Variants in GALNT7 observed in about 807,000 individuals in gnomAD.
The protein encoded by GALNT7 is polypeptide N-acetylgalactosaminyltransferase 7, also known as N-acetylgalactosaminyltransferase 7.
A neutral mutation model predicts 82.1 loss-of-function variants in GALNT7; 60 were observed. That is an observed-to-expected ratio of 0.73 (90% CI 0.59 to 0.91). The LOEUF (loss-of-function observed/expected upper bound fraction) is 0.91. Among genes scored for constraint, GALNT7 ranks in the 40% least tolerant of loss-of-function variants. The pLI is 0.00. For synonymous variants in GALNT7, 243 were observed against 275.1 expected, an observed-to-expected ratio of 0.88 and a Z score of 1.15; for missense variants, 660 against 804.2, an observed-to-expected ratio of 0.82 and a Z score of 2.17.
chr4:173,275,466 A>G (rs1735869524), intron 2 of GALNT7, among the ~76,000 whole-genome samples: 1 of 152,206 alleles, frequency 6.6e-6, no homozygotes, highest in African/African-American at 2.4e-5. Flanking sequence ...AGAGTAGAGA[A>G]AATGGAAATA....
chr4:173,208,813 A>G (rs1435837338), intron 1 of GALNT7, among the ~76,000 whole-genome samples: 1 of 152,172 alleles, frequency 6.6e-6, no homozygotes, highest in Non-Finnish European at 1.5e-5. Context: ...GTATATATAG[A>G]AATTTTAAAA....
intron 1 of GALNT7, chr4:173,169,632 G>T (rs1001043365): frequency 2.0e-5 from 3 of 151,616 alleles, no homozygotes; most frequent in Admixed American, 6.6e-5. Context: ...CCGAGGCCTC[G>T]CCCGGACCGC....
chr4:173,254,389 A>G (rs1734951040), intron 2 of GALNT7, among the ~76,000 whole-genome samples: 1 of 152,190 alleles, frequency 6.6e-6, no homozygotes, highest in African/African-American at 2.4e-5. Context: ...TTTGATATCT[A>G]CCAAGCTATT....
At chr4:173,256,355 GA>G (rs1471396390) in intron 2 of GALNT7, among the ~76,000 whole-genome samples, 1 of 152,152 alleles carries the variant, frequency 6.6e-6, no homozygotes, top group Non-Finnish European at 1.5e-5. Context: ...CTACAAAAAG[GA>G]AAACACAAGC....
intron 2 of GALNT7, chr4:173,282,416 G>C (rs1223365493): frequency 6.6e-6 from 1 of 152,182 alleles, no homozygotes; most frequent in Non-Finnish European, 1.5e-5. Context: ...TTTTGTCCCA[G>C]ATTGTTTTGT....
At chr4:173,318,735 T>C (rs1198373761) in intron 11 of GALNT7, 176 bp downstream of exon 11, 1 of 494,636 alleles carries the variant, frequency 2.0e-6, no homozygotes, top group Non-Finnish European at 3.6e-6. Context: ...TGTTCTATAA[T>C]GAGGCATCAC....
intron 8 of GALNT7, among the ~76,000 whole-genome samples, chr4:173,306,622 G>T (rs1329890042): frequency 6.6e-6 from 1 of 152,082 alleles, no homozygotes; most frequent in Non-Finnish European, 1.5e-5. Context: ...TATGGTTTTT[G>T]TCCTTCATTC....
intron 1 of GALNT7, among the ~76,000 whole-genome samples, chr4:173,237,445 C>CT (rs1227819045): frequency 6.6e-6 from 1 of 152,132 alleles, no homozygotes; most frequent in Admixed American, 6.5e-5. Context: ...TAGGACATTG[C>CT]TTTTTTGCCT....
At chr4:173,316,417 T>C (rs1737605415) in intron 9 of GALNT7, 2 of 152,300 alleles carry the variant, frequency 1.3e-5, no homozygotes, top group Admixed American at 6.5e-5. Flanking sequence ...TCTTTTCCTT[T>C]TTTTCACCAC....
At chr4:173,264,727 A>AT (rs1192280660) in intron 2 of GALNT7, among the ~76,000 whole-genome samples, 1 of 152,172 alleles carries the variant, frequency 6.6e-6, no homozygotes, top group Non-Finnish European at 1.5e-5. Flanking sequence ...GTGTTTCTAC[A>AT]TTCTCCCCTG....
chr4:173,225,846 T>A (rs934312937), intron 1 of GALNT7, among the ~76,000 whole-genome samples: 1 of 152,214 alleles, frequency 6.6e-6, no homozygotes, highest in African/African-American at 2.4e-5. Flanking sequence ...AGGGAGGAGA[T>A]GCAACCACAA....
chr4:173,220,897 A>G (rs1416376055), intron 1 of GALNT7, among the ~76,000 whole-genome samples: 1 of 151,994 alleles, frequency 6.6e-6, no homozygotes, highest in African/African-American at 2.4e-5. Flanking sequence ...AATCCAGTCT[A>G]TCATTGTTGG....
At position 173,178,050 on chromosome 4, in the gene GALNT7, TGTGCGCGCACGC is replaced by T. The variant is rs1465877618; in HGVS notation, c.126+9091_126+9102del. ...GTGTGTGTGTGTGTGTGTGTGTGTG[TGTGCGCGCACGC>T]GCGTGCGCACAGACACCTATGTATA... On this transcript the variant is annotated intron_variant, in intron 1 of 11. Transcript: ENST00000265000. Among the ~76,000 whole-genome samples, 30 of 117,624 alleles carry T rather than the reference TGTGCGCGCACGC, an allele frequency of 2.6e-4. 1 individual carries two copies. The highest frequency in any genetic ancestry group is 9.7e-4 in the African/African-American group (29 of 29,844). 77.2% of individuals were successfully genotyped at this position (117,624 alleles called of 152,430 possible).
intron 1 of GALNT7, among the ~76,000 whole-genome samples, chr4:173,180,049 G>T (rs1290536571): frequency 6.6e-6 from 1 of 152,042 alleles, no homozygotes; most frequent in East Asian, 1.9e-4. Flanking sequence ...GTGTCATTTT[G>T]CCAGGATATA....
intron 1 of GALNT7, among the ~76,000 whole-genome samples, chr4:173,233,160 T>C (rs28694391): frequency 0.73 from 111,360 of 152,136 alleles, 42,211 homozygotes; most frequent in East Asian, 0.92. Flanking sequence ...AGGTTGATTC[T>C]GTATCTTGGC....
At chr4:173,175,654 G>A (rs776469000) in intron 1 of GALNT7, among the ~76,000 whole-genome samples, 21 of 152,330 alleles carry the variant, frequency 1.4e-4, no homozygotes, top group Admixed American at 4.6e-4. Context: ...TTATCGGTGT[G>A]TAACCCTGTC....
chr4:173,207,091 G>A (rs963910208), intron 1 of GALNT7, among the ~76,000 whole-genome samples: 8 of 152,130 alleles, frequency 5.3e-5, no homozygotes, highest in African/African-American at 1.7e-4. Context: ...GTATGTTGCT[G>A]TGTGTCTAAG....
chr4:173,273,331 T>C (rs1735793718), intron 2 of GALNT7, among the ~76,000 whole-genome samples: 2 of 152,256 alleles, frequency 1.3e-5, no homozygotes, highest in African/African-American at 4.8e-5. Context: ...AACTGTTTTT[T>C]ACTGACTTGC....
chr4:173,197,544 T>C (rs1396984769), intron 1 of GALNT7, among the ~76,000 whole-genome samples: 1 of 152,234 alleles, frequency 6.6e-6, no homozygotes, highest in Non-Finnish European at 1.5e-5. Flanking sequence ...GTTCCTATTT[T>C]GTTTTGATGT....
Sources: allele counts gnomAD v4.1 joint callset (sites outside exome capture counted in the v4.1 genomes callset), GRCh38; gene constraint gnomAD v4.1.1; transcripts MANE v1.5; gene names NCBI Gene and HGNC (gene_info 2026-07-23, HGNC 2026-07-21).